Variants in LSM4 observed in about 807,000 individuals in gnomAD.
LSM4 encodes the protein LSM4 homolog, U6 small nuclear RNA and mRNA degradation associated.
LSM4 carries 15 observed loss-of-function variants against 22.3 expected under a neutral mutation model. The ratio of observed to expected loss-of-function variants is 0.67; its 90% CI spans 0.45 to 1.03. The LOEUF (loss-of-function observed/expected upper bound fraction) is 1.03, where lower values mean the gene tolerates loss of function less well. Ranked by LOEUF, LSM4 falls within the 50% of genes least tolerant of loss-of-function variation. The pLI is 0.00. For synonymous variants in LSM4, 90 were observed against 79.8 expected (o/e 1.13, Z -0.68); for missense variants, 127 against 198.0 (o/e 0.64, Z 2.15).
At chr19:18,314,104 TTA>T (rs1970326035) in intron 2 of LSM4, among the ~76,000 whole-genome samples, 1 of 152,062 alleles carries the variant, frequency 6.6e-6, no homozygotes, top group African/African-American at 2.4e-5. Context: ...ATGACTCAAC[TTA>T]GGCATCTGCC....
intron 2 of LSM4, among the ~76,000 whole-genome samples, chr19:18,314,669 A>G (rs1198132420): frequency 2.6e-5 from 4 of 152,130 alleles, no homozygotes; most frequent in Non-Finnish European, 1.5e-5. Context: ...CTCCGTTCGC[A>G]TGCATGGGAA....
chr19:18,321,154 G>A (rs1970420675), intron 1 of LSM4, among the ~76,000 whole-genome samples: 1 of 152,226 alleles, frequency 6.6e-6, no homozygotes, highest in African/African-American at 2.4e-5. Context: ...TGTTCAGAAG[G>A]TGGGAAGGGG....
intron 1 of LSM4, among the ~76,000 whole-genome samples, chr19:18,318,105 C>T (rs1309612875): frequency 2.6e-5 from 4 of 152,186 alleles, no homozygotes; most frequent in Admixed American, 2.6e-4. Flanking sequence ...GTCCTGGTGA[C>T]TGGAATTCCA....
intron 4 of LSM4, among the ~76,000 whole-genome samples, chr19:18,308,758 C>T (rs1211287387): frequency 6.6e-6 from 1 of 152,190 alleles, no homozygotes; most frequent in Non-Finnish European, 1.5e-5. Context: ...GCCACCAGGC[C>T]CTGTGGGGAC....
intron 2 of LSM4, among the ~76,000 whole-genome samples, chr19:18,315,045 C>T (rs955405789): frequency 2.0e-5 from 3 of 152,188 alleles, no homozygotes; most frequent in South Asian, 4.1e-4. Context: ...CCATCACGCC[C>T]GGCTAATTTT....
rs137957445 is a variant in LSM4, at chr19:18,311,525, C to T, written c.144+1079G>A. Among the ~76,000 whole-genome samples, 17 of 152,326 alleles carry T rather than the reference C, an allele frequency of 1.1e-4. No individual in the cohort carries two copies. The East Asian group carries it at 3.3e-3, about 29-fold the overall frequency. On this transcript the variant is annotated intron_variant, in intron 3 of 4. Coordinates refer to ENST00000593829, the MANE Select transcript of LSM4 (RefSeq NM_012321.5). The stretch of plus-strand genomic sequence containing the variant: ...CATGTCTAGGACCTGGAGGTGTCCA[C>T]AAGACCGCACATGCTCACGCACGCA...
chr19:18,312,835 T>G, intron 2 of LSM4, 133 bp from the exon 3 acceptor site: 1 of 666,240 alleles, frequency 1.5e-6, no homozygotes. Context: ...GACCCCTAAA[T>G]GGCCTTCCTT....
At chr19:18,321,838 C>A (rs1367338488) in intron 1 of LSM4, among the ~76,000 whole-genome samples, 1 of 152,172 alleles carries the variant, frequency 6.6e-6, no homozygotes, top group Non-Finnish European at 1.5e-5. Flanking sequence ...AACCTCACTT[C>A]AACACTCCCG....
At chr19:18,313,719 T>C (rs1046897316) in intron 2 of LSM4, among the ~76,000 whole-genome samples, 2 of 152,194 alleles carry the variant, frequency 1.3e-5, no homozygotes, top group African/African-American at 4.8e-5. Context: ...GGTCTCACTG[T>C]TGCCCAGACT....
chr19:18,321,955 G>T (rs1427710908), intron 1 of LSM4, among the ~76,000 whole-genome samples: 2 of 152,144 alleles, frequency 1.3e-5, no homozygotes, highest in African/African-American at 2.4e-5. Flanking sequence ...CTAATGCTCA[G>T]CGGAGACTGA....
Position 18,309,738 on chromosome 19 carries a change from G to A in LSM4, c.268C>T (p.Arg90Cys). Residue 90 changes from arginine (R) to cysteine (C), a missense_variant, in exon 4 of 5, where the codon CGC becomes TGC. Transcript: ENST00000593829. ...TGCTTCTGCTGCTGCAGGCCTCCGC[G>A]GCCGCGGCCCTTGGCCACCACCTCC... ...KEEVVAKGRG[R>C]GGLQQQKQQK... 1 of 1,613,046 alleles carries A rather than the reference G, an allele frequency of 6.2e-7. No individual in the cohort carries two copies. Among genetic ancestry groups the A allele is most frequent in the Non-Finnish European group, 8.5e-7 (1 of 1,179,598 alleles).
chr19:18,321,603 G>A (rs1970424902), intron 1 of LSM4, among the ~76,000 whole-genome samples: 1 of 152,186 alleles, frequency 6.6e-6, no homozygotes, highest in Non-Finnish European at 1.5e-5. Flanking sequence ...TAACAAATAA[G>A]CTACAAGATT....
intron 1 of LSM4, chr19:18,316,325 A>C: frequency 8.5e-6 from 3 of 353,504 alleles, no homozygotes; most frequent in South Asian, 9.2e-5. Context: ...TTGGTGCTGA[A>C]CACTCTGGTC....
chr19:18,316,108 C>T (rs777359881), intron 1 of LSM4, 43 bp from the exon 2 acceptor site: 5 of 1,599,454 alleles, frequency 3.1e-6, no homozygotes, highest in South Asian at 2.2e-5. Context: ...GTTTGACCAG[C>T]GCCTGGGAGC....
Position 18,312,610 on chromosome 19 carries a change from C to T in LSM4, c.138G>A (p.Thr46=), listed in dbSNP as rs888758717. 11 of 1,613,550 alleles carry T rather than the reference C, an allele frequency of 6.8e-6. No individual in the cohort carries two copies. Among genetic ancestry groups the T allele is most frequent in the African/African-American group, 2.7e-5 (2 of 74,922 alleles). The change falls in exon 3 of 5, where the codon ACG becomes ACA. Residue 46 remains threonine, a synonymous_variant. Coordinates refer to ENST00000593829, the MANE Select transcript of LSM4 (RefSeq NM_012321.5). ...TGGTGGGTGCAGCACCCACCCTGGA[C>T]GTGCAGATGACTTCTCGCAGGTTAA... The part of the protein sequence containing the change: ...MNINLREVIC[T]SRDGDKFWRM...
In LSM4 at chr19:18,312,991, C is replaced by T. The variant is rs181877958; in HGVS notation, c.46-289G>A. 5.3e-5 allele frequency among the ~76,000 whole-genome samples: 8 copies of T among 152,332 alleles called. No individual in the cohort carries two copies. In the East Asian group the frequency reaches 1.5e-3, roughly 29 times the overall value. On this transcript the variant is annotated intron_variant, in intron 2 of 4. Coordinates refer to ENST00000593829, the MANE Select transcript of LSM4 (RefSeq NM_012321.5). ...ATCCCAGCACTTTGGGAGGCCGAGG[C>T]AGGCAGATCACGAGGTCAAAAGATT...
At chr19:18,309,454 G>A (rs1383166122) in intron 4 of LSM4, 1 of 556,724 alleles carries the variant, frequency 1.8e-6, no homozygotes, top group African/African-American at 1.9e-5. Flanking sequence ...GAGGTGACTT[G>A]ATGTGCCCTG....
chr19:18,307,246 C>T lies in LSM4; in HGVS notation c.*218G>A, dbSNP rs1372484766. On this transcript the variant is annotated 3_prime_UTR_variant, in exon 5 of 5. Transcript: ENST00000593829. ...GGAATCCAGCCAGTTTTGGGACGGCCGTTTCACAAAACCAAAAAACACCAA... is the reference window on the plus strand; with the variant it reads ...GGAATCCAGCCAGTTTTGGGACGGCTGTTTCACAAAACCAAAAAACACCAA... 5 of 428,004 alleles carry T rather than the reference C, an allele frequency of 1.2e-5. No homozygotes were observed. Among genetic ancestry groups the T allele is most frequent in the African/African-American group, 2.0e-5 (1 of 48,822 alleles). The allele number at this position is 428,004 out of a possible 1,614,324, so 26.5% of individuals were successfully genotyped here.
chr19:18,320,758 T>C (rs1174537975), intron 1 of LSM4, among the ~76,000 whole-genome samples: 5 of 152,132 alleles, frequency 3.3e-5, no homozygotes, highest in African/African-American at 1.2e-4. Flanking sequence ...ATTACACCAC[T>C]GCACTTCAGC....
Sources: gnomAD v4.1 joint callset for allele counts (sites outside exome capture counted in the v4.1 genomes callset) on GRCh38, gnomAD v4.1.1 for gene constraint, MANE v1.5 for transcripts, NCBI Gene and HGNC (gene_info 2026-07-23, HGNC 2026-07-21) for gene names.